Variants in RIN2 observed in about 807,000 individuals in gnomAD.
The protein encoded by RIN2 is RAB5 interacting protein 2.
In RIN2, 36 loss-of-function variants were observed where a neutral mutation model predicts 78.0. That is an observed-to-expected ratio of 0.46 (90% CI 0.35 to 0.61). RIN2 has a LOEUF of 0.61. RIN2 is among the 20% of genes least tolerant of loss of function. The pLI is 0.00. For synonymous variants in RIN2, 466 were observed against 466.8 expected, an observed-to-expected ratio of 1.00 and a Z score of 0.02; for missense variants, 1,087 against 1,159.7, an observed-to-expected ratio of 0.94 and a Z score of 0.91.
At chr20:19,833,930 C>T (rs2036327652) in intron 2 of RIN2, among the ~76,000 whole-genome samples, 1 of 152,128 alleles carries the variant, frequency 6.6e-6, no homozygotes, top group African/African-American at 2.4e-5. Flanking sequence ...TTCCCCTGCC[C>T]CCTCCTGCTT....
chr20:19,946,713 CAAAAAAAAAA>C (rs74180972), intron 4 of RIN2, among the ~76,000 whole-genome samples: 1 of 78,008 alleles, frequency 1.3e-5, no homozygotes, highest in Non-Finnish European at 2.6e-5. Flanking sequence ...GATTCTATCT[CAAAAAAAAAA>C]AAAAAAAAAA....
At chr20:19,896,590 C>T (rs953118752) in intron 3 of RIN2, among the ~76,000 whole-genome samples, 8 of 152,248 alleles carry the variant, frequency 5.3e-5, no homozygotes, top group African/African-American at 1.9e-4. Flanking sequence ...TATCAGCCCA[C>T]AGGCCTCTCA....
intron 7 of RIN2, among the ~76,000 whole-genome samples, chr20:19,968,253 G>A (rs552215606): frequency 3.0e-4 from 45 of 152,310 alleles, no homozygotes; most frequent in African/African-American, 1.0e-3. Flanking sequence ...GTAGTTGCCC[G>A]ATGATCTTTG....
At chr20:19,808,497 G>A in intron 2 of RIN2, among the ~76,000 whole-genome samples, 1 of 152,238 alleles carries the variant, frequency 6.6e-6, no homozygotes, top group East Asian at 1.9e-4. Context: ...ACTCCCCGAA[G>A]GCCCTGTATA....
At chr20:19,774,135 A>G (rs1163031807) in intron 1 of RIN2, among the ~76,000 whole-genome samples, 2 of 152,050 alleles carry the variant, frequency 1.3e-5, no homozygotes, top group Non-Finnish European at 2.9e-5. Flanking sequence ...TTTATCTCAC[A>G]GGGAATTTTT....
chr20:19,838,826 G>A (rs2036496016), intron 2 of RIN2, among the ~76,000 whole-genome samples: 2 of 152,118 alleles, frequency 1.3e-5, no homozygotes, highest in Non-Finnish European at 2.9e-5. Flanking sequence ...TCTGGGTGCA[G>A]GGCTGGTGCT....
chr20:19,870,768 G>A (rs1291881527), intron 2 of RIN2, among the ~76,000 whole-genome samples: 2 of 152,228 alleles, frequency 1.3e-5, no homozygotes, highest in Admixed American at 6.5e-5. Flanking sequence ...GAGTGGGTAT[G>A]ATGTTTCTTC....
chr20:19,847,834 G>T (rs141480792), intron 2 of RIN2, among the ~76,000 whole-genome samples: 205 of 152,178 alleles, frequency 1.3e-3, no homozygotes, highest in African/African-American at 4.4e-3. Context: ...ATATTCTACT[G>T]ATCAGTTCTG....
At chr20:19,918,326 A>G (rs1049955686) in intron 3 of RIN2, among the ~76,000 whole-genome samples, 3 of 151,686 alleles carry the variant, frequency 2.0e-5, no homozygotes, top group African/African-American at 7.3e-5. Context: ...TCAAAAAACG[A>G]AAAAACGTGA....
At chr20:19,958,336 C>G (rs563433371) in intron 5 of RIN2, among the ~76,000 whole-genome samples, 2 of 152,252 alleles carry the variant, frequency 1.3e-5, no homozygotes, top group Non-Finnish European at 2.9e-5. Flanking sequence ...ATTGTCTGCT[C>G]TTGCATTTCT....
rs61019165 is a variant in RIN2, at chr20:19,971,735, A to ATTTTTTTTTTTTTT, written c.628+817_628+830dup. The stretch of plus-strand genomic sequence containing the variant: ...TGAATTCCCTTCTGCTGAAACTGCA[A>ATTTTTTTTTTTTTT]TTTTTTTTTTTTTTTTTTTTTTTTG... On this transcript the variant is annotated intron_variant, in intron 8 of 12. Coordinates refer to ENST00000255006, the MANE Select transcript of RIN2 (RefSeq NM_018993.4). Among the ~76,000 whole-genome samples the ATTTTTTTTTTTTTT allele has an allele frequency of 7.2e-4, 66 of 91,530 alleles. 3 individuals are homozygous for ATTTTTTTTTTTTTT. Among genetic ancestry groups the ATTTTTTTTTTTTTT allele is most frequent in the Non-Finnish European group, 8.7e-4 (44 of 50,860 alleles). 60.0% of individuals were successfully genotyped at this position (91,530 alleles called of 152,430 possible).
intron 3 of RIN2, among the ~76,000 whole-genome samples, chr20:19,890,053 AAAACAAAC>A (rs11474749): frequency 9.7e-4 from 147 of 151,356 alleles, no homozygotes; most frequent in African/African-American, 2.9e-3. Context: ...GAAGGGCTCC[AAAACAAAC>A]AAACAAACAA....
intron 8 of RIN2, among the ~76,000 whole-genome samples, chr20:19,973,224 A>T (rs1030009333): frequency 6.6e-6 from 1 of 152,206 alleles, no homozygotes; most frequent in Non-Finnish European, 1.5e-5. Context: ...ACACTGAATG[A>T]GATTTGATAT....
intron 3 of RIN2, among the ~76,000 whole-genome samples, chr20:19,896,985 T>C (rs1226925829): frequency 6.6e-6 from 1 of 152,212 alleles, no homozygotes; most frequent in Non-Finnish European, 1.5e-5. Flanking sequence ...CTTTTTTTAT[T>C]GACAAAAATG....
chr20:19,777,974 C>A (rs6112572), intron 1 of RIN2, among the ~76,000 whole-genome samples: 1 of 152,156 alleles, frequency 6.6e-6, no homozygotes, highest in African/African-American at 2.4e-5. Context: ...AAGGAAATTC[C>A]TAAAAAGGCT....
At chr20:19,964,239 G>C (rs974211262) in intron 6 of RIN2, among the ~76,000 whole-genome samples, 1 of 150,956 alleles carries the variant, frequency 6.6e-6, no homozygotes, top group Non-Finnish European at 1.5e-5. Context: ...CCAAGTAAAT[G>C]GGTTTTAGAA....
At chr20:19,813,820 C>G (rs1343074589) in intron 2 of RIN2, among the ~76,000 whole-genome samples, 2 of 151,972 alleles carry the variant, frequency 1.3e-5, no homozygotes, top group African/African-American at 4.8e-5. Flanking sequence ...ATTTTATTAC[C>G]AAAAATACTG....
At chr20:19,826,094 G>A (rs1600547271) in intron 2 of RIN2, among the ~76,000 whole-genome samples, 2 of 142,602 alleles carry the variant, frequency 1.4e-5, no homozygotes, top group East Asian at 2.0e-4. Flanking sequence ...CATTATTATG[G>A]TTAATATTTT....
intron 9 of RIN2, among the ~76,000 whole-genome samples, chr20:19,978,595 T>C (rs1387182196): frequency 6.6e-6 from 1 of 152,206 alleles, no homozygotes; most frequent in Non-Finnish European, 1.5e-5. Flanking sequence ...TGTTCTCTCA[T>C]GGAGAATTTG....
Sources: gnomAD v4.1 joint callset for allele counts (sites outside exome capture counted in the v4.1 genomes callset) on GRCh38, gnomAD v4.1.1 for gene constraint, MANE v1.5 for transcripts, NCBI Gene and HGNC (gene_info 2026-07-23, HGNC 2026-07-21) for gene names.